Variants in MPV17L observed in about 807,000 individuals in gnomAD.
MPV17L encodes the protein mpv17-like protein.
Under a neutral mutation model 25.8 loss-of-function variants are expected in MPV17L, and 24 were observed. The ratio of observed to expected loss-of-function variants is 0.93; its 90% CI spans 0.67 to 1.31. The LOEUF (loss-of-function observed/expected upper bound fraction) is 1.31, where lower values mean the gene tolerates loss of function less well. MPV17L is among the 50% of genes most tolerant of loss of function. MPV17L has a pLI of 0.00. For synonymous variants in MPV17L, 102 were observed against 115.3 expected (o/e 0.88, Z 0.74); for missense variants, 250 against 265.6 (o/e 0.94, Z 0.41).
intron 2 of MPV17L, among the ~76,000 whole-genome samples, chr16:15,405,760 A>C (rs1265840361): frequency 6.6e-6 from 1 of 151,700 alleles, no homozygotes; most frequent in African/African-American, 2.4e-5. Context: ...TTTAACAATT[A>C]AGGGCCAGGC....
At chr16:15,399,008 A>G (rs1051682564) in intron 1 of MPV17L, among the ~76,000 whole-genome samples, 1 of 151,984 alleles carries the variant, frequency 6.6e-6, no homozygotes, top group Non-Finnish European at 1.5e-5. Context: ...GCAGGAATCA[A>G]TTGATCTTTG....
In MPV17L at chr16:15,408,963, A is replaced by G. The variant is rs2050708265; in HGVS notation, c.*851A>G. ...TGCCTAGCTAATTTTTTGTATTTTT[A>G]GTAGAGATGAAGTTTCACCGTGTTG... On this transcript the variant is annotated 3_prime_UTR_variant, in exon 4 of 4. Coordinates refer to ENST00000396385, the MANE Select transcript of MPV17L (RefSeq NM_001128423.2). The G allele has an allele frequency of 6.6e-6, 1 of 151,470 alleles. No individual in the cohort carries two copies. The highest frequency in any genetic ancestry group is 2.4e-5 in the African/African-American group (1 of 41,098). 9.4% of individuals were successfully genotyped at this position (151,470 alleles called of 1,614,324 possible).
At chr16:15,405,494 G>A (rs1260162806) in intron 2 of MPV17L, among the ~76,000 whole-genome samples, 1 of 150,562 alleles carries the variant, frequency 6.6e-6, no homozygotes. Context: ...TGTTGCCCAG[G>A]CTGGAGTGCA....
Position 15,400,862 on chromosome 16 carries a change from GAT to G in MPV17L, c.381+7_381+8del, listed in dbSNP as rs905381936. 7 of 1,586,638 alleles carry G rather than the reference GAT, an allele frequency of 4.4e-6. No individual in the cohort carries two copies. The African/African-American group carries it at 9.5e-5, about 21-fold the overall frequency. Reference sequence around the variant, plus strand: ...AAATTCTGGAATACCTATCTGGTAAGATAGGCGTTTGAAAATGTAATCACTAT... The same window carrying G: ...AAATTCTGGAATACCTATCTGGTAAGAGGCGTTTGAAAATGTAATCACTAT... On this transcript the variant is annotated splice_donor_region_variant and intron_variant, in intron 2 of 3. Transcript: ENST00000396385.
rs1037859618 is a variant in MPV17L at position 15,412,543 on chromosome 16, A to G, written c.*4431A>G. 3 of 151,606 alleles carry G rather than the reference A, an allele frequency of 2.0e-5. No individual in the cohort carries two copies. The highest frequency in any genetic ancestry group is 1.3e-4 in the Admixed American group (2 of 15,180). The allele number at this position is 151,606 out of a possible 1,614,324, so 9.4% of individuals were successfully genotyped here. ...ACAATTGACCAAGTTAAGTGTAGAC[A>G]GTCTCTTTAATAGAGAGATTATCTG... On this transcript the variant is annotated 3_prime_UTR_variant, in exon 4 of 4. Coordinates refer to ENST00000396385, the MANE Select transcript of MPV17L (RefSeq NM_001128423.2).
At position 15,400,825 on chromosome 16, in the gene MPV17L, G is replaced by T. The variant is rs2150905228; in HGVS notation, c.349G>T (p.Asp117Tyr). The T allele has an allele frequency of 6.2e-7, 1 of 1,603,234 alleles. No homozygotes were observed. Among genetic ancestry groups the T allele is most frequent in the East Asian group, 2.2e-5 (1 of 44,710 alleles). ...ILQGKDDIFL[D>Y]LKQKFWNTYL... ...CCAAGGAAAGGATGACATATTTTTG[G>T]ACCTGAAACAGAAATTCTGGAATAC... Residue 117 changes from aspartate to tyrosine, a missense_variant, in exon 2 of 4, where the codon GAC becomes TAC. Physicochemically the swap from Asp to Tyr is radical, Grantham distance 160. Coordinates refer to ENST00000396385, the MANE Select transcript of MPV17L (RefSeq NM_001128423.2).
chr16:15,397,117 A>G (rs1355718714), intron 1 of MPV17L, among the ~76,000 whole-genome samples: 5 of 152,130 alleles, frequency 3.3e-5, no homozygotes, highest in African/African-American at 9.7e-5. Context: ...CACTGGGCGT[A>G]TTCTCCCAAG....
chr16:15,400,707 T>TG lies in MPV17L; in HGVS notation c.311-78dup, dbSNP rs537614700. 30 of 945,586 alleles carry TG rather than the reference T, an allele frequency of 3.2e-5. No individual in the cohort carries two copies. The East Asian group carries it at 6.5e-4, about 20-fold the overall frequency. 58.6% of individuals were successfully genotyped at this position (945,586 alleles called of 1,614,324 possible). ...TGATAGTGATGGTTACTTTGCATTT[T>TG]GGAATGGGAAACTTAAACATGAACT... On this transcript the variant is annotated intron_variant, in intron 1 of 3. Coordinates refer to ENST00000396385, the MANE Select transcript of MPV17L (RefSeq NM_001128423.2).
At chr16:15,396,410 T>G (rs568797316) in intron 1 of MPV17L, among the ~76,000 whole-genome samples, 2 of 151,682 alleles carry the variant, frequency 1.3e-5, no homozygotes, top group South Asian at 2.1e-4. Context: ...ATTGCGAAAA[T>G]TTGCAGGAGG....
chr16:15,411,378 G>T lies in MPV17L; in HGVS notation c.*3266G>T, dbSNP rs376771092. 3 of 152,204 alleles carry T rather than the reference G, an allele frequency of 2.0e-5. No homozygotes were observed. The highest frequency in any genetic ancestry group is 7.2e-5 in the African/African-American group (3 of 41,428). 9.4% of individuals were successfully genotyped at this position (152,204 alleles called of 1,614,324 possible). Reference sequence around the variant, plus strand: ...AAAGTACTTGGGGCTGGGCATGATCGCTTATGTCTATAATCCAAGTGCTTT... The same window carrying T: ...AAAGTACTTGGGGCTGGGCATGATCTCTTATGTCTATAATCCAAGTGCTTT... On this transcript the variant is annotated 3_prime_UTR_variant, in exon 4 of 4. Transcript: ENST00000396385.
chr16:15,407,083 T>A (rs761145949), intron 2 of MPV17L, among the ~76,000 whole-genome samples: 100 of 149,158 alleles, frequency 6.7e-4, no homozygotes, highest in East Asian at 2.2e-3. Flanking sequence ...AAAAAAAAAT[T>A]AATTTAAAAA....
chr16:15,396,129 G>A lies in MPV17L; in HGVS notation c.232G>A (p.Ala78Thr). ...GCTGGAGCGCGCGCTCCCGGGCCGAGCGCCGCACGCCCTGCTGGCCAAGTT... is the reference window on the plus strand; with the variant it reads ...GCTGGAGCGCGCGCTCCCGGGCCGAACGCCGCACGCCCTGCTGGCCAAGTT... ...RLLERALPGR[A>T]PHALLAKLLC... is the part of the protein sequence containing the mutation. Residue 78 changes from alanine (A) to threonine (T), a missense_variant, in exon 1 of 4, where the codon GCG (alanine) becomes ACG (threonine). Ala to Thr is a moderately conservative substitution (Grantham distance 58). Coordinates refer to ENST00000396385, the MANE Select transcript of MPV17L (RefSeq NM_001128423.2). The A allele has an allele frequency of 6.5e-7, 1 of 1,547,136 alleles. No individual in the cohort carries two copies. Among genetic ancestry groups the A allele is most frequent in the Non-Finnish European group, 8.7e-7 (1 of 1,146,774 alleles).
rs2050710584 is a variant in MPV17L at position 15,409,139 on chromosome 16, TG to T, written c.*1029del. 1 of 145,222 alleles carries T rather than the reference TG, an allele frequency of 6.9e-6. No homozygotes were observed. Among genetic ancestry groups the T allele is most frequent in the Admixed American group, 7.4e-5 (1 of 13,430 alleles). 9.0% of individuals were successfully genotyped at this position (145,222 alleles called of 1,614,324 possible). On this transcript the variant is annotated 3_prime_UTR_variant, in exon 4 of 4. Transcript: ENST00000396385. ...CTCTGTCACCCAGGCTGGAGTGCAG[TG>T]GCATGATTTCGGCTCACTGCAACCT...
chr16:15,396,506 G>T (rs1195261323), intron 1 of MPV17L, among the ~76,000 whole-genome samples: 1 of 152,192 alleles, frequency 6.6e-6, no homozygotes, highest in Non-Finnish European at 1.5e-5. Context: ...TCAGACTCTG[G>T]GGTTGGGTGT....
chr16:15,397,001 G>A (rs1417141804), intron 1 of MPV17L, among the ~76,000 whole-genome samples: 1 of 152,080 alleles, frequency 6.6e-6, no homozygotes, highest in Non-Finnish European at 1.5e-5. Context: ...CAATGGAAAT[G>A]GTACCTGAAA....
Position 15,412,999 on chromosome 16 carries a change from T to G in MPV17L, c.*4887T>G, listed in dbSNP as rs2050747512. ...TTTGAAGTTATGAAAAGATAGTTTT[T>G]GTTACATGGGAAATTTACTTTTAGT... On this transcript the variant is annotated 3_prime_UTR_variant, in exon 4 of 4. Coordinates refer to ENST00000396385, the MANE Select transcript of MPV17L (RefSeq NM_001128423.2). 6.6e-6 allele frequency: 1 copy of G among 152,212 alleles called. No individual in the cohort carries two copies. The highest frequency in any genetic ancestry group is 1.5e-5 in the Non-Finnish European group (1 of 68,046). 9.4% of individuals were successfully genotyped at this position (152,212 alleles called of 1,614,324 possible). A position where few individuals can be genotyped will look rare whatever the true frequency, so the allele number is the denominator to read the frequency against.
At chr16:15,398,797 T>C (rs1407001110) in intron 1 of MPV17L, among the ~76,000 whole-genome samples, 4 of 151,956 alleles carry the variant, frequency 2.6e-5, no homozygotes, top group Non-Finnish European at 5.9e-5. Context: ...TTTCGCCAAG[T>C]TGGCCAGGCT....
chr16:15,402,767 G>A (rs985504319), intron 2 of MPV17L, among the ~76,000 whole-genome samples: 2 of 152,062 alleles, frequency 1.3e-5, no homozygotes, highest in African/African-American at 4.8e-5. Flanking sequence ...TGCCTCCCGG[G>A]TTCAAGCAAT....
At chr16:15,405,928 C>T (rs2050676932) in intron 2 of MPV17L, among the ~76,000 whole-genome samples, 1 of 151,820 alleles carries the variant, frequency 6.6e-6, no homozygotes, top group Non-Finnish European at 1.5e-5. Flanking sequence ...GTGGCTCACG[C>T]CTGTAATCCC....
Sources: gnomAD v4.1 joint callset for allele counts (sites outside exome capture counted in the v4.1 genomes callset) on GRCh38, gnomAD v4.1.1 for gene constraint, MANE v1.5 for transcripts, NCBI Gene and HGNC (gene_info 2026-07-23, HGNC 2026-07-21) for gene names.